The following DSC3 variants were observed in gnomAD, a reference collection of about 807,000 sequenced individuals.
The protein encoded by DSC3 is desmocollin 3.
DSC3 carries 97 observed loss-of-function variants against 89.5 expected under a neutral mutation model. The ratio of observed to expected loss-of-function variants is 1.08; its 90% confidence interval spans 0.92 to 1.28. The LOEUF (loss-of-function observed/expected upper bound fraction) is 1.28. Ranked by LOEUF, DSC3 falls within the 50% of genes most tolerant of loss-of-function variation. DSC3 has a pLI of 0.00. For synonymous variants in DSC3, 436 were observed against 384.1 expected (o/e 1.14, Z -1.58); for missense variants, 1,199 against 1,085.3 (o/e 1.10, Z -1.47).
intron 14 of DSC3, among the ~76,000 whole-genome samples, chr18:31,000,395 C>T (rs1364173121): frequency 6.6e-6 from 1 of 152,194 alleles, no homozygotes; most frequent in East Asian, 1.9e-4. Context: ...TTCCCCAACC[C>T]TGATGTCTTC....
At chr18:31,009,429 A>G (rs772725954) in intron 9 of DSC3, among the ~76,000 whole-genome samples, 1 of 152,124 alleles carries the variant, frequency 6.6e-6, no homozygotes, top group Non-Finnish European at 1.5e-5. Context: ...ATCAAAATCC[A>G]TCCAGAGTCT....
chr18:31,022,078 A>G (rs1985438893), intron 7 of DSC3, among the ~76,000 whole-genome samples: 1 of 151,740 alleles, frequency 6.6e-6, no homozygotes, highest in Non-Finnish European at 1.5e-5. Context: ...CACACATAAG[A>G]AAAAAAAATT....
rs1200170732 is a variant in DSC3 at position 31,004,307 on chromosome 18, T to C, written c.1948A>G (p.Ile650Val). ...NAGFQEYTIP[I>V]TVKDRAGQAA... is the part of the protein sequence containing the mutation. ...TGGCCGGCCCTGTCTTTTACAGTAA[T>C]AGGAATGGTATATTCTTGAAATCCA... is the stretch of plus-strand genomic sequence containing the variant. Residue 650 changes from isoleucine to valine, a missense_variant, in exon 13 of 16, where the codon ATT becomes GTT. Physicochemically the swap from Ile to Val is conservative, Grantham distance 29 (BLOSUM62 3). Transcript: ENST00000360428. 4 of 1,613,890 alleles carry C rather than the reference T, an allele frequency of 2.5e-6. No individual in the cohort carries two copies. Among genetic ancestry groups the C allele is most frequent in the East Asian group, 2.2e-5 (1 of 44,882 alleles).
Position 31,006,922 on chromosome 18 carries a change from G to A in DSC3, c.1873C>T (p.Leu625Phe), listed in dbSNP as rs764027834. Residue 625 changes from leucine to phenylalanine, a missense_variant, in exon 12 of 16, where the codon CTC (leucine) becomes TTC (phenylalanine). Coordinates refer to ENST00000360428, the MANE Select transcript of DSC3 (RefSeq NM_001941.5). ...TATTAAATACCATTAACTTTGGTGAGGCTCCACAGTCTACTGATTTCTGGA... is the reference window on the plus strand; with the variant it reads ...TATTAAATACCATTAACTTTGGTGAAGCTCCACAGTCTACTGATTTCTGGA... Reference protein sequence around the residue: ...TSPEISRLWSLTKVNDTAARL... With the variant: ...TSPEISRLWSFTKVNDTAARL... The A allele has an allele frequency of 2.5e-6, 4 of 1,611,844 alleles. No homozygotes were observed. The highest frequency in any genetic ancestry group is 3.4e-6 in the Non-Finnish European group (4 of 1,178,220).
In DSC3 at chr18:30,994,023, C is replaced by CTCTTTGG; in HGVS notation, c.*151_*152insCCAAAGA. 1 of 767,474 alleles carries CTCTTTGG rather than the reference C, an allele frequency of 1.3e-6. No homozygotes were observed. The highest frequency in any genetic ancestry group is 2.1e-6 in the Non-Finnish European group (1 of 475,628). The allele number at this position is 767,474 out of a possible 1,614,324, so 47.5% of individuals were successfully genotyped here. A position where few individuals can be genotyped will look rare whatever the true frequency, so the allele number is the denominator to read the frequency against. On this transcript the variant is annotated 3_prime_UTR_variant, in exon 16 of 16. Coordinates refer to ENST00000360428, the MANE Select transcript of DSC3 (RefSeq NM_001941.5). ...TTCACTTTTTGGAAAAGATAAGCAA[C>CTCTTTGG]AACTTGCTTTAAAAATATAAATTGG...
intron 1 of DSC3, among the ~76,000 whole-genome samples, chr18:31,040,808 T>C (rs557885626): frequency 1.3e-5 from 2 of 152,208 alleles, no homozygotes; most frequent in South Asian, 2.1e-4. Flanking sequence ...TATTGAAAAG[T>C]TGAGAGTCGT....
At chr18:31,041,613 G>C (rs1294536183) in intron 1 of DSC3, among the ~76,000 whole-genome samples, 1 of 152,174 alleles carries the variant, frequency 6.6e-6, no homozygotes, top group Non-Finnish European at 1.5e-5. Flanking sequence ...GGTAAGTCGC[G>C]GGTCCGCGGC....
Position 31,012,635 on chromosome 18 carries a change from T to C in DSC3, c.1264-4110A>G, listed in dbSNP as rs190279434. ...TTAGAATAACAACCACATGGGCTTGTTTTGGAAAGATAAATAAATCTTTTA... is the reference window on the plus strand; with the variant it reads ...TTAGAATAACAACCACATGGGCTTGCTTTGGAAAGATAAATAAATCTTTTA... On this transcript the variant is annotated intron_variant, in intron 9 of 15. Coordinates refer to ENST00000360428, the MANE Select transcript of DSC3 (RefSeq NM_001941.5). 2.2e-4 allele frequency among the ~76,000 whole-genome samples: 33 copies of C among 152,330 alleles called. No homozygotes were observed. In the East Asian group the frequency reaches 6.0e-3, roughly 28 times the overall value.
At position 31,018,899 on chromosome 18, in the gene DSC3, TC is replaced by T. The variant is rs747710842; in HGVS notation, c.943-100del. On this transcript the variant is annotated intron_variant, in intron 7 of 15. Transcript: ENST00000360428. ...ACTCACTCACTCACATACACACACATCTGTGTGTTTCCGTGCTTTTACCTGA... is the reference window on the plus strand; with the variant it reads ...ACTCACTCACTCACATACACACACATTGTGTGTTTCCGTGCTTTTACCTGA... 3,664 of 1,105,820 alleles carry T rather than the reference TC, an allele frequency of 3.3e-3. 16 individuals are homozygous for T. The highest frequency in any genetic ancestry group is 4.1e-3 in the Non-Finnish European group (3,124 of 756,022). The allele number at this position is 1,105,820 out of a possible 1,614,324, so 68.5% of individuals were successfully genotyped here.
At chr18:30,999,340 AG>A (rs1312505592) in intron 14 of DSC3, among the ~76,000 whole-genome samples, 1 of 152,198 alleles carries the variant, frequency 6.6e-6, no homozygotes, top group East Asian at 1.9e-4. Flanking sequence ...GCATTGCCTT[AG>A]AAAAAAATAC....
rs536191979 is a variant in DSC3, at chr18:31,006,918, G to T, written c.1877C>A (p.Thr626Asn). 4 of 1,610,862 alleles carry T rather than the reference G, an allele frequency of 2.5e-6. No homozygotes were observed. The Admixed American group carries it at 5.0e-5, about 20-fold the overall frequency. ...TTTTTATTAAATACCATTAACTTTG[G>T]TGAGGCTCCACAGTCTACTGATTTC... The part of the protein sequence containing the change: ...SPEISRLWSL[T>N]KVNDTAARLS... Residue 626 changes from threonine to asparagine, a missense_variant, in exon 12 of 16, where the codon ACC (threonine) becomes AAC (asparagine). By Grantham distance (65) the Thr-to-Asn change is moderately conservative. Transcript: ENST00000360428.
At chr18:31,021,252 A>AT (rs1985409761) in intron 7 of DSC3, among the ~76,000 whole-genome samples, 1 of 152,096 alleles carries the variant, frequency 6.6e-6, no homozygotes, top group Non-Finnish European at 1.5e-5. Flanking sequence ...AAAAAATTTG[A>AT]TGACTAAAAC....
rs1270298241 is a variant in DSC3, at chr18:31,018,731, T to C, written c.1012A>G (p.Thr338Ala). Reference protein sequence around the residue: ...MDGQFFGLIGTSTCIITVTDS... With the variant: ...MDGQFFGLIGASTCIITVTDS... ...GTTACTGTTATGATACAAGTTGATG[T>C]GCCTATCAATCCAAAAAACTGGCCA... Residue 338 changes from threonine (T) to alanine (A), a missense_variant, in exon 8 of 16, where the codon ACA becomes GCA. Thr to Ala is a moderately conservative substitution (Grantham distance 58, BLOSUM62 0). Transcript: ENST00000360428. 1 of 1,613,554 alleles carries C rather than the reference T, an allele frequency of 6.2e-7. No homozygotes were observed. The highest frequency in any genetic ancestry group is 8.5e-7 in the Non-Finnish European group (1 of 1,179,738).
At position 30,996,797 on chromosome 18, in the gene DSC3, G is replaced by A. The variant is rs147754850; in HGVS notation, c.2487C>T (p.Leu829=). Residue 829 remains leucine, a synonymous_variant, in exon 15 of 16, where the codon CTC becomes CTT. Transcript: ENST00000360428. ...AACACCTAAGGAAACTCACTTCACCGAGACGGGGTTGAGTAAAACTGTGCC... is the reference window on the plus strand; with the variant it reads ...AACACCTAAGGAAACTCACTTCACCAAGACGGGGTTGAGTAAAACTGTGCC... ...SEWHSFTQPR[L]GEKLHRCNQN... is the part of the protein sequence containing the mutation. The A allele has an allele frequency of 5.9e-5, 95 of 1,613,432 alleles. No individual in the cohort carries two copies. In the East Asian group the frequency reaches 1.6e-3, roughly 28 times the overall value.
At chr18:30,999,082 C>A (rs925645371) in intron 14 of DSC3, among the ~76,000 whole-genome samples, 2 of 152,116 alleles carry the variant, frequency 1.3e-5, no homozygotes, top group Non-Finnish European at 2.9e-5. Context: ...AACTTCACTC[C>A]GACCCTCTGA....
chr18:31,026,067 G>C, intron 4 of DSC3, 152 bp from the exon 5 acceptor site: 1 of 786,690 alleles, frequency 1.3e-6, no homozygotes, highest in Non-Finnish European at 2.0e-6. Context: ...GCAAGAGTAA[G>C]GCAAACAGGG....
Position 31,029,505 on chromosome 18 carries a change from C to T in DSC3, c.474+4G>A, listed in dbSNP as rs1384834823. 3.1e-6 allele frequency: 5 copies of T among 1,613,666 alleles called. No homozygotes were observed. Among genetic ancestry groups the T allele is most frequent in the Non-Finnish European group, 4.2e-6 (5 of 1,179,652 alleles). ...AACCCTGACCAGAAAAGGTGTAAAC[C>T]TACTTGTTGAAGAAACAATGGGAAA... On this transcript the variant is annotated splice_donor_region_variant and intron_variant, in intron 4 of 15. Transcript: ENST00000360428.
At position 31,030,882 on chromosome 18, in the gene DSC3, A is replaced by G. The variant is rs1467077844; in HGVS notation, c.354+91T>C. On this transcript the variant is annotated intron_variant, in intron 3 of 15. Transcript: ENST00000360428. Reference sequence around the variant, plus strand: ...AACAAAATGAAAACAAAAGGGGAAAATACCCTATTTATCCTTGTTTCTCTT... The same window carrying G: ...AACAAAATGAAAACAAAAGGGGAAAGTACCCTATTTATCCTTGTTTCTCTT... 3 of 1,171,158 alleles carry G rather than the reference A, an allele frequency of 2.6e-6. No individual in the cohort carries two copies. The Admixed American group carries it at 5.6e-5, about 22-fold the overall frequency. The allele number at this position is 1,171,158 out of a possible 1,614,324, so 72.5% of individuals were successfully genotyped here.
intron 6 of DSC3, among the ~76,000 whole-genome samples, chr18:31,023,177 A>G (rs1001730081): frequency 1.3e-5 from 2 of 151,990 alleles, no homozygotes; most frequent in African/African-American, 4.8e-5. Context: ...CCCCTTTTTG[A>G]AAAAGGGAAA....
Sources: allele counts gnomAD v4.1 joint callset (sites outside exome capture counted in the v4.1 genomes callset), GRCh38; gene constraint gnomAD v4.1.1; transcripts MANE v1.5; gene names NCBI Gene and HGNC (gene_info 2026-07-23, HGNC 2026-07-21).